DNAH1: variants seen among roughly 807,000 people sequenced by gnomAD.
DNAH1 encodes dynein axonemal heavy chain 1.
In DNAH1, 327 loss-of-function variants were observed where a neutral mutation model predicts 484.3. The ratio of observed to expected loss-of-function variants is 0.68; its 90% CI spans 0.62 to 0.74. The LOEUF is 0.74. Among genes scored for constraint, DNAH1 ranks in the 30% least tolerant of loss-of-function variants. The pLI is 0.00. For synonymous variants in DNAH1, 2,192 were observed against 2,191.9 expected, an observed-to-expected ratio of 1.00 and a Z score of 0.00; for missense variants, 5,052 against 5,546.8, an observed-to-expected ratio of 0.91 and a Z score of 2.83.
At chr3:52,388,086 A>G (rs1210567806) in intron 56 of DNAH1, 81 bp from the exon 57 acceptor site, 2 of 1,522,870 alleles carry the variant, frequency 1.3e-6, no homozygotes, top group African/African-American at 1.4e-5. Flanking sequence ...GGTGTCCCTC[A>G]GCAGGCCCCA....
At chr3:52,385,505 C>G in intron 54 of DNAH1, 58 bp downstream of exon 54, 2 of 1,417,404 alleles carry the variant, frequency 1.4e-6, no homozygotes, top group Non-Finnish European at 1.9e-6. Context: ...TCGGCACCCC[C>G]ACACAGGCGC....
At position 52,388,320 on chromosome 3, in the gene DNAH1, G is replaced by A. The variant is rs781056727; in HGVS notation, c.9157G>A (p.Val3053Met). 2.5e-6 allele frequency: 4 copies of A among 1,602,622 alleles called. No homozygotes were observed. Among genetic ancestry groups the A allele is most frequent in the Non-Finnish European group, 3.4e-6 (4 of 1,174,730 alleles). Residue 3053 changes from valine (V) to methionine (M), a missense_variant, in exon 57 of 78, where the codon GTG (valine) becomes ATG (methionine). Val to Met is a conservative substitution (Grantham distance 21). Around this residue, in one of 4 missense-constraint regions of DNAH1, gnomAD observed 2,929 missense variants for 3,409.4 expected, o/e 0.86. Transcript: ENST00000420323. Reference sequence around the variant, plus strand: ...CAAGTACCACTTTGTGGCCAAGGCCGTGGAGCCCAAGCGGGTGAGGGCTGA... The same window carrying A: ...CAAGTACCACTTTGTGGCCAAGGCCATGGAGCCCAAGCGGGTGAGGGCTGA... The part of the protein sequence containing the change: ...MHKYHFVAKA[V>M]EPKRQALLEA...
Position 52,381,511 on chromosome 3 carries a change from G to C in DNAH1, c.7609-129G>C. 1 of 750,728 alleles carries C rather than the reference G, an allele frequency of 1.3e-6. No individual in the cohort carries two copies. Among genetic ancestry groups the C allele is most frequent in the Non-Finnish European group, 2.1e-6 (1 of 466,490 alleles). The allele number at this position is 750,728 out of a possible 1,614,324, so 46.5% of individuals were successfully genotyped here. On this transcript the variant is annotated intron_variant, in intron 48 of 77. Transcript: ENST00000420323. The surrounding 1 kb of genome is among the most constrained non-coding windows in gnomAD (Gnocchi z 4.1). ...CTGCAGGGGAAACATGCAGCTGGCCGGGTCACAGGTGGTCAAGGCACCTGT... is the reference window on the plus strand; with the variant it reads ...CTGCAGGGGAAACATGCAGCTGGCCCGGTCACAGGTGGTCAAGGCACCTGT...
rs1296069584 is a variant in DNAH1, at chr3:52,353,214, G to A, written c.3139G>A (p.Ala1047Thr). 1.1e-5 allele frequency: 18 copies of A among 1,613,870 alleles called. No homozygotes were observed. In the East Asian group the frequency reaches 2.9e-4, roughly 26 times the overall value. Residue 1047 changes from alanine (A) to threonine (T), a missense_variant, in exon 19 of 78, where the codon GCC (alanine) becomes ACC (threonine). This residue lies in a region of DNAH1 where 2,929 missense variants were observed against 3,409.4 expected (regional missense o/e 0.86). Transcript: ENST00000420323. This position sits in a 1 kb window ranked among gnomAD's most constrained non-coding sequence, Gnocchi z 5.0. The part of the protein sequence containing the change: ...SESWMNDPLS[A>T]IDAEQLEKNV... ...GAGCTGGATGAATGACCCCCTCTCT[G>A]CCATCGATGCTGAGCAGCTGGAGAA... is the stretch of plus-strand genomic sequence containing the variant.
At chr3:52,369,558 C>A (rs1703229393) in intron 37 of DNAH1, among the ~76,000 whole-genome samples, 1 of 152,162 alleles carries the variant, frequency 6.6e-6, no homozygotes. Context: ...GCCCAGGCCT[C>A]CAGGGACCCC....
In DNAH1 at chr3:52,375,320, CG is replaced by C. The variant is rs1559547415; in HGVS notation, c.7068del (p.Leu2357Ter). ...PGGGRNTVTPRLMRHFNYLSF... is the reference protein window; with the variant it reads ...PGGGRNTVTPXLMRHFNYLSF... ...TGGAGGCAGGAACACCGTCACCCCGCGGCTGATGCGTCACTTCAACTACCTG... is the reference window on the plus strand; with the variant it reads ...TGGAGGCAGGAACACCGTCACCCCGCGCTGATGCGTCACTTCAACTACCTG... On this transcript the variant is annotated frameshift_variant, in exon 45 of 78. Transcript: ENST00000420323. LOFTEE classifies it high-confidence loss of function. 3.1e-6 allele frequency: 5 copies of C among 1,613,102 alleles called. No individual in the cohort carries two copies. Among genetic ancestry groups the C allele is most frequent in the Non-Finnish European group, 4.2e-6 (5 of 1,179,536 alleles).
chr3:52,349,164 C>T, intron 13 of DNAH1, 31 bp from the exon 14 acceptor site: 1 of 1,612,216 alleles, frequency 6.2e-7, no homozygotes, highest in Non-Finnish European at 8.5e-7. Flanking sequence ...TCACCATCCT[C>T]TGCCCCCTCC....
At chr3:52,374,512 CA>C in intron 44 of DNAH1, 1 of 1,476,614 alleles carries the variant, frequency 6.8e-7, no homozygotes, top group Non-Finnish European at 9.5e-7. Context: ...ATTGAACCAT[CA>C]GAATTTGTGA....
chr3:52,345,013 G>A (rs145998262), intron 9 of DNAH1, among the ~76,000 whole-genome samples: 6 of 152,264 alleles, frequency 3.9e-5, no homozygotes, highest in Non-Finnish European at 8.8e-5. Context: ...GCAGGACCCC[G>A]GGGCCCAAGA....
At position 52,361,556 on chromosome 3, in the gene DNAH1, CCT is replaced by C; in HGVS notation, c.4875-104_4875-103del. On this transcript the variant is annotated intron_variant, in intron 29 of 77. Transcript: ENST00000420323. This position sits in a 1 kb window ranked among gnomAD's most constrained non-coding sequence, Gnocchi z 5.6. Reference sequence around the variant, plus strand: ...GAAGACTGAGCTGATGGAGATTGCCCCTGAGGGCTTCCTCCCAAGTGGAGTTG... The same window carrying C: ...GAAGACTGAGCTGATGGAGATTGCCCGAGGGCTTCCTCCCAAGTGGAGTTG... 1 of 1,342,314 alleles carries C rather than the reference CCT, an allele frequency of 7.4e-7. No homozygotes were observed. Among genetic ancestry groups the C allele is most frequent in the Non-Finnish European group, 1.0e-6 (1 of 973,270 alleles). 83.2% of individuals were successfully genotyped at this position (1,342,314 alleles called of 1,614,324 possible). A position where few individuals can be genotyped will look rare whatever the true frequency, so the allele number is the denominator to read the frequency against.
rs1703986452 is a variant in DNAH1, at chr3:52,384,042, T to G, written c.8322+11T>G. On this transcript the variant is annotated intron_variant, in intron 52 of 77. Coordinates refer to ENST00000420323, the MANE Select transcript of DNAH1 (RefSeq NM_015512.5). ...GAAATCCAAGGACTGGTGGGTGTCT[T>G]GCTGAAGCTCAGGCCCTTGGGGAGA... The G allele has an allele frequency of 6.3e-7, 1 of 1,590,134 alleles. No homozygotes were observed. Among genetic ancestry groups the G allele is most frequent in the African/African-American group, 1.3e-5 (1 of 74,498 alleles).
intron 66 of DNAH1, among the ~76,000 whole-genome samples, chr3:52,393,953 A>G (rs1243706052): frequency 6.6e-6 from 1 of 152,224 alleles, no homozygotes; most frequent in African/African-American, 2.4e-5. Context: ...GCTCCAACCA[A>G]TGGCTCAAGG....
chr3:52,349,919 G>A, intron 14 of DNAH1, 70 bp from the exon 15 acceptor site: 1 of 1,533,980 alleles, frequency 6.5e-7, no homozygotes, highest in Non-Finnish European at 8.8e-7. Flanking sequence ...GGAGACCAAG[G>A]AGGAAGAGCA....
At chr3:52,329,454 G>A (rs982074167) in intron 6 of DNAH1, among the ~76,000 whole-genome samples, 1 of 152,170 alleles carries the variant, frequency 6.6e-6, no homozygotes, top group Non-Finnish European at 1.5e-5. Context: ...CAGCTAGCTG[G>A]TGTCAACAGG....
intron 47 of DNAH1, 92 bp downstream of exon 47, chr3:52,378,872 GC>G (rs1320795289): frequency 5.9e-6 from 9 of 1,517,246 alleles, no homozygotes; most frequent in Non-Finnish European, 8.1e-6. Context: ...GCCCAAACAG[GC>G]CCTGAGTGGG....
chr3:52,311,335 C>T (rs755363210), upstream of DNAH1, among the ~76,000 whole-genome samples: 13 of 152,212 alleles, frequency 8.5e-5, no homozygotes, highest in Non-Finnish European at 1.8e-4. Flanking sequence ...TCAGTTTCCT[C>T]AGTTGCACAA....
chr3:52,357,056 CAG>C (rs1283309774), intron 22 of DNAH1, among the ~76,000 whole-genome samples: 2 of 105,860 alleles, frequency 1.9e-5, no homozygotes, highest in Non-Finnish European at 3.8e-5. Context: ...TTTTTTGAAA[CAG>C]AGTTTTGCTC....
intron 8 of DNAH1, among the ~76,000 whole-genome samples, chr3:52,335,202 C>G (rs1163804142): frequency 7.6e-6 from 1 of 132,402 alleles, no homozygotes; most frequent in African/African-American, 3.0e-5. Flanking sequence ...ATTACAGGTG[C>G]CTGCCACCAC....
At position 52,347,960 on chromosome 3, in the gene DNAH1, C is replaced by T; in HGVS notation, c.2092C>T (p.Pro698Ser). The T allele has an allele frequency of 6.2e-7, 1 of 1,609,356 alleles. No homozygotes were observed. The highest frequency in any genetic ancestry group is 8.5e-7 in the Non-Finnish European group (1 of 1,177,948). Reference sequence around the variant, plus strand: ...GGGCATCCTGGCCACCCATGCCGTGCCCCAGCTGGAGAAGGTACGTGCTGC... The same window carrying T: ...GGGCATCCTGGCCACCCATGCCGTGTCCCAGCTGGAGAAGGTACGTGCTGC... ...DKGILATHAV[P>S]QLEKLVMEDI... Residue 698 changes from proline (P) to serine (S), a missense_variant, in exon 12 of 78, where the codon CCC becomes TCC. Transcript: ENST00000420323.
Sources: allele counts gnomAD v4.1 joint callset (sites outside exome capture counted in the v4.1 genomes callset), GRCh38; gene constraint gnomAD v4.1.1; regional missense constraint gnomAD v4.1.1; non-coding constraint Gnocchi (gnomAD v3.1); transcripts MANE v1.5; gene names NCBI Gene and HGNC (gene_info 2026-07-23, HGNC 2026-07-21).